The following MAGI3 variants were observed in gnomAD, a reference collection of about 807,000 sequenced individuals.
MAGI3 encodes membrane associated guanylate kinase, WW and PDZ domain containing 3.
A neutral mutation model predicts 121.8 loss-of-function variants in MAGI3; 43 were observed. That is an observed-to-expected ratio of 0.35 (90% CI 0.28 to 0.46). MAGI3 has a LOEUF of 0.46. Ranked by LOEUF, MAGI3 falls within the 20% of genes least tolerant of loss-of-function variation. The pLI, the probability that MAGI3 is intolerant of heterozygous loss-of-function variation, is 1.00. For synonymous variants in MAGI3, 553 were observed against 639.3 expected (o/e 0.86, Z 2.04); for missense variants, 1,547 against 1,797.3 (o/e 0.86, Z 2.52).
At chr1:113,488,625 G>A (rs1200960862) in intron 1 of MAGI3, among the ~76,000 whole-genome samples, 1 of 152,192 alleles carries the variant, frequency 6.6e-6, no homozygotes, top group Non-Finnish European at 1.5e-5. Context: ...TACTCAGCTG[G>A]CATGTATCTG....
At chr1:113,601,199 A>C (rs1649355045) in intron 6 of MAGI3, among the ~76,000 whole-genome samples, 1 of 151,072 alleles carries the variant, frequency 6.6e-6, no homozygotes, top group African/African-American at 2.4e-5. Flanking sequence ...GCAATGAGCA[A>C]TAAAAGCCAA....
intron 1 of MAGI3, among the ~76,000 whole-genome samples, chr1:113,479,987 C>G (rs113027042): frequency 1.5e-4 from 23 of 151,606 alleles, no homozygotes; most frequent in African/African-American, 5.1e-4. Flanking sequence ...TTATTTTGTT[C>G]ATGCATTGTT....
chr1:113,488,889 A>T (rs1263767410), intron 1 of MAGI3, among the ~76,000 whole-genome samples: 1 of 151,960 alleles, frequency 6.6e-6, no homozygotes, highest in African/African-American at 2.4e-5. Context: ...ACCTGCCAGT[A>T]CCCCACCCCT....
At chr1:113,436,930 T>C (rs1653596786) in intron 1 of MAGI3, among the ~76,000 whole-genome samples, 1 of 149,076 alleles carries the variant, frequency 6.7e-6, no homozygotes, top group Non-Finnish European at 1.5e-5. Flanking sequence ...TTCTCCTGCC[T>C]CCACCTCCAG....
At chr1:113,450,695 G>C in intron 1 of MAGI3, 1 of 1,130,092 alleles carries the variant, frequency 8.8e-7, no homozygotes, top group Middle Eastern at 1.9e-4. Context: ...TTATGGATCT[G>C]GTGGTGGAAG....
intron 1 of MAGI3, among the ~76,000 whole-genome samples, chr1:113,477,526 C>A (rs1401252240): frequency 6.6e-6 from 1 of 152,268 alleles, no homozygotes; most frequent in African/African-American, 2.4e-5. Flanking sequence ...GTTGAAAATT[C>A]TTTTCTTTAA....
chr1:113,571,791 G>A (rs1356321631), intron 2 of MAGI3, among the ~76,000 whole-genome samples: 2 of 152,122 alleles, frequency 1.3e-5, no homozygotes, highest in Non-Finnish European at 2.9e-5. Context: ...AGGAGTTTTT[G>A]GGCTGAGAAG....
At chr1:113,605,454 T>C (rs2101760446) in intron 6 of MAGI3, among the ~76,000 whole-genome samples, 1 of 152,232 alleles carries the variant, frequency 6.6e-6, no homozygotes, top group Non-Finnish European at 1.5e-5. Flanking sequence ...TGTGTGGTAA[T>C]AGAAATCAGA....
intron 2 of MAGI3, among the ~76,000 whole-genome samples, chr1:113,554,892 G>C (rs1659925884): frequency 6.6e-6 from 1 of 152,162 alleles, no homozygotes; most frequent in Admixed American, 6.5e-5. Context: ...GCAGGAAGCT[G>C]AGGTGGGAGG....
chr1:113,395,181 G>A (rs1651044139), intron 1 of MAGI3, among the ~76,000 whole-genome samples: 1 of 138,612 alleles, frequency 7.2e-6, no homozygotes, highest in South Asian at 2.3e-4. Flanking sequence ...GGATGGGAAA[G>A]GTAAGAGAAT....
chr1:113,672,526 G>C (rs373417978), intron 17 of MAGI3, 89 bp from the exon 18 acceptor site: 6 of 1,428,662 alleles, frequency 4.2e-6, no homozygotes, highest in Non-Finnish European at 5.6e-6. Context: ...TGGCAAGGTC[G>C]AGCTTTTAAA....
chr1:113,672,268 A>G (rs1457588752), intron 17 of MAGI3, among the ~76,000 whole-genome samples: 1 of 152,224 alleles, frequency 6.6e-6, no homozygotes, highest in Non-Finnish European at 1.5e-5. Flanking sequence ...GAAATCCAGC[A>G]TCTTCACGGG....
intron 6 of MAGI3, among the ~76,000 whole-genome samples, chr1:113,610,842 G>A (rs1418699092): frequency 6.6e-6 from 1 of 151,994 alleles, no homozygotes; most frequent in African/African-American, 2.4e-5. Flanking sequence ...ACTGAGGCAG[G>A]GGAATCACTT....
chr1:113,479,272 C>G (rs904405554), intron 1 of MAGI3, among the ~76,000 whole-genome samples: 1 of 152,184 alleles, frequency 6.6e-6, no homozygotes, highest in East Asian at 1.9e-4. Context: ...TCCACCAGTC[C>G]CAATGGGATG....
chr1:113,666,185 G>T (rs1654036472), intron 16 of MAGI3, among the ~76,000 whole-genome samples: 1 of 152,166 alleles, frequency 6.6e-6, no homozygotes, highest in South Asian at 2.1e-4. Flanking sequence ...GGTTGAGGTG[G>T]CTGTAGCAAT....
chr1:113,587,616 C>T (rs1278911732), intron 4 of MAGI3, among the ~76,000 whole-genome samples: 1 of 152,114 alleles, frequency 6.6e-6, no homozygotes, highest in Non-Finnish European at 1.5e-5. Context: ...TTATATCTTG[C>T]TGAAGAAATA....
At position 113,416,242 on chromosome 1, in the gene MAGI3, A is replaced by AATGACACATATTAATTG. The variant is rs1557744275; in HGVS notation, c.316+24893_316+24894insATGACACATATTAATTG. Among the ~76,000 whole-genome samples the AATGACACATATTAATTG allele has an allele frequency of 5.3e-4, 65 of 121,618 alleles. 13 individuals carry two copies. The highest frequency in any genetic ancestry group is 4.9e-3 in the South Asian group (19 of 3,848). The allele number at this position is 121,618 out of a possible 152,430, so 79.8% of individuals were successfully genotyped here. ...GTGTAATTAATGACACATATTAATT[A>AATGACACATATTAATTG]TGTAATTAATTACACATATTAATTA... is the stretch of plus-strand genomic sequence containing the variant. On this transcript the variant is annotated intron_variant, in intron 1 of 20. Coordinates refer to ENST00000307546, the MANE Select transcript of MAGI3 (RefSeq NM_001142782.2).
At chr1:113,657,275 A>G (rs1235065490) in intron 15 of MAGI3, among the ~76,000 whole-genome samples, 2 of 152,214 alleles carry the variant, frequency 1.3e-5, no homozygotes, top group East Asian at 3.8e-4. Context: ...ACAGTTTCCC[A>G]GTCCGTTTAG....
intron 7 of MAGI3, among the ~76,000 whole-genome samples, chr1:113,617,757 A>G (rs1408541510): frequency 6.6e-6 from 1 of 152,210 alleles, no homozygotes; most frequent in Non-Finnish European, 1.5e-5. Context: ...GTTGTTTTTC[A>G]AAAGAATATG....
Sources: gnomAD v4.1 joint callset for allele counts (sites outside exome capture counted in the v4.1 genomes callset) on GRCh38, gnomAD v4.1.1 for gene constraint, MANE v1.5 for transcripts, NCBI Gene and HGNC (gene_info 2026-07-23, HGNC 2026-07-21) for gene names.